Variants in TNFAIP8 observed in about 807,000 individuals in gnomAD.
The protein encoded by TNFAIP8 is tumor necrosis factor alpha-induced protein 8.
In TNFAIP8, 7 loss-of-function variants were observed where a neutral mutation model predicts 13.3. That is an observed-to-expected ratio of 0.52 (90% CI 0.30 to 0.99). TNFAIP8 has a LOEUF of 0.99. TNFAIP8 is among the 50% of genes least tolerant of loss of function. The probability of loss-of-function intolerance (pLI) is 0.07; values close to 1 mark genes in which losing one functional copy is unlikely to be tolerated. For synonymous variants in TNFAIP8, 94 were observed against 87.6 expected, an observed-to-expected ratio of 1.07 and a Z score of -0.41; for missense variants, 258 against 236.9, an observed-to-expected ratio of 1.09 and a Z score of -0.58.
At chr5:119,334,384 G>A (rs1750481597) in intron 1 of TNFAIP8, among the ~76,000 whole-genome samples, 1 of 151,988 alleles carries the variant, frequency 6.6e-6, no homozygotes, top group Admixed American at 6.6e-5. Flanking sequence ...ACTTAAAATT[G>A]TTCTGCTCAA....
intron 1 of TNFAIP8, among the ~76,000 whole-genome samples, chr5:119,330,963 G>T (rs1750357845): frequency 6.6e-6 from 1 of 152,036 alleles, no homozygotes. Context: ...CAAGAAAAAG[G>T]CCAAGAGCCA....
At chr5:119,276,103 G>A (rs926240990) in intron 1 of TNFAIP8, among the ~76,000 whole-genome samples, 4 of 151,316 alleles carry the variant, frequency 2.6e-5, no homozygotes, top group Non-Finnish European at 4.4e-5. Flanking sequence ...TCAGTCTTTC[G>A]TTAAGTTCTG....
intron 1 of TNFAIP8, among the ~76,000 whole-genome samples, chr5:119,311,785 G>A (rs1749741015): frequency 6.6e-6 from 1 of 152,004 alleles, no homozygotes; most frequent in Non-Finnish European, 1.5e-5. Flanking sequence ...ATTAGGAAGT[G>A]CTGATGAAGG....
intron 1 of TNFAIP8, among the ~76,000 whole-genome samples, chr5:119,358,053 C>T (rs1010640075): frequency 6.6e-6 from 1 of 151,330 alleles, no homozygotes; most frequent in Admixed American, 6.6e-5. Flanking sequence ...GTAAATAACT[C>T]AGTTATCTTC....
At chr5:119,317,880 A>C (rs1404402401) in intron 1 of TNFAIP8, among the ~76,000 whole-genome samples, 2 of 152,132 alleles carry the variant, frequency 1.3e-5, no homozygotes, top group Non-Finnish European at 2.9e-5. Context: ...TACAGGCGTG[A>C]GCTCCTGCAC....
At chr5:119,390,656 C>G (rs1458790324) in intron 1 of TNFAIP8, among the ~76,000 whole-genome samples, 1 of 152,112 alleles carries the variant, frequency 6.6e-6, no homozygotes, top group Non-Finnish European at 1.5e-5. Flanking sequence ...GGGACCCTTT[C>G]TTATTCAATC....
chr5:119,366,903 C>T lies in TNFAIP8; in HGVS notation c.31+10782C>T, dbSNP rs148381899. ...TGTCCTTGCCACCTACCTATTCCAG[C>T]ATACTTTGGGGTTGCCTCTCTGTGC... On this transcript the variant is annotated intron_variant, in intron 1 of 1. Transcript: ENST00000504771. Among the ~76,000 whole-genome samples, 292 of 152,294 alleles carry T rather than the reference C, an allele frequency of 1.9e-3. 2 individuals are homozygous for T. In the East Asian group the frequency reaches 0.038, roughly 20 times the overall value.
At chr5:119,294,442 A>G (rs1367871125) in intron 1 of TNFAIP8, among the ~76,000 whole-genome samples, 1 of 152,102 alleles carries the variant, frequency 6.6e-6, no homozygotes, top group Non-Finnish European at 1.5e-5. Context: ...AATCCAGTCT[A>G]TCATTGTTGG....
intron 1 of TNFAIP8, among the ~76,000 whole-genome samples, chr5:119,323,802 G>T (rs1177541474): frequency 6.6e-6 from 1 of 152,116 alleles, no homozygotes; most frequent in Non-Finnish European, 1.5e-5. Context: ...TGGCTGAATG[G>T]GCTTCTGCAG....
intron 1 of TNFAIP8, among the ~76,000 whole-genome samples, chr5:119,343,969 A>G (rs538919369): frequency 6.6e-6 from 1 of 152,344 alleles, no homozygotes; most frequent in Non-Finnish European, 1.5e-5. Context: ...CAAACCACTC[A>G]TATCTATGTG....
chr5:119,350,441 A>G (rs1327766376), intron 1 of TNFAIP8, among the ~76,000 whole-genome samples: 1 of 152,214 alleles, frequency 6.6e-6, no homozygotes, highest in African/African-American at 2.4e-5. Context: ...CTTGGAACCA[A>G]TCTCCCACAG....
chr5:119,324,293 AAAAAAAAAAAAAAAAAAAAAAG>A (rs1166497307), intron 1 of TNFAIP8, among the ~76,000 whole-genome samples: 26 of 59,734 alleles, frequency 4.4e-4, no homozygotes, highest in African/African-American at 1.8e-3. Flanking sequence ...AAAAAAAAAA[AAAAAAAAAAAAAAAAAAAAAAG>A]AAGAAGTTCC....
rs59714206 is a variant in TNFAIP8, at chr5:119,334,624, C to CGTGTGTGTGTGTGT, written c.2-58169_2-58156dup. On this transcript the variant is annotated intron_variant, in intron 1 of 1. Coordinates refer to the TNFAIP8 transcript ENST00000274456. ...CCTAGAGCTGTGCATGTGATCCTTTCGTGTGTGTGTGTGTGTGTGTGTGTG... is the reference window on the plus strand; with the variant it reads ...CCTAGAGCTGTGCATGTGATCCTTTCGTGTGTGTGTGTGTGTGTGTGTGTGTGTGTGTGTGTGTG... Among the ~76,000 whole-genome samples the CGTGTGTGTGTGTGT allele has an allele frequency of 1.3e-3, 176 of 135,798 alleles. 2 individuals are homozygous for CGTGTGTGTGTGTGT. Among genetic ancestry groups the CGTGTGTGTGTGTGT allele is most frequent in the African/African-American group, 4.4e-3 (154 of 35,354 alleles). The allele number at this position is 135,798 out of a possible 152,430, so 89.1% of individuals were successfully genotyped here.
At chr5:119,380,602 A>G (rs1752449665) in intron 1 of TNFAIP8, among the ~76,000 whole-genome samples, 1 of 152,236 alleles carries the variant, frequency 6.6e-6, no homozygotes, top group African/African-American at 2.4e-5. Context: ...AGTCTTTAGA[A>G]AGACTAATGT....
chr5:119,336,986 G>A (rs867549947), intron 1 of TNFAIP8, among the ~76,000 whole-genome samples: 20 of 152,120 alleles, frequency 1.3e-4, no homozygotes, highest in African/African-American at 4.6e-4. Context: ...ATTGTCCTCT[G>A]GACACAGGCC....
At chr5:119,359,245 T>C (rs1373433368) in intron 1 of TNFAIP8, among the ~76,000 whole-genome samples, 3 of 152,196 alleles carry the variant, frequency 2.0e-5, no homozygotes, top group Non-Finnish European at 2.9e-5. Flanking sequence ...TTCTAGGACA[T>C]TGGCACTTGC....
intron 1 of TNFAIP8, among the ~76,000 whole-genome samples, chr5:119,375,925 C>A (rs1001255535): frequency 2.0e-5 from 3 of 152,038 alleles, no homozygotes; most frequent in African/African-American, 7.2e-5. Flanking sequence ...CTTGAACCAA[C>A]ATTTGTACTA....
At chr5:119,311,319 C>T (rs58131651) in intron 1 of TNFAIP8, among the ~76,000 whole-genome samples, 12,975 of 151,998 alleles carry the variant, frequency 0.085, 773 homozygotes, top group African/African-American at 0.17. Context: ...TTACTGTGCC[C>T]GGCCTTGGTG....
intron 1 of TNFAIP8, among the ~76,000 whole-genome samples, chr5:119,273,507 C>T (rs533315046): frequency 5.2e-4 from 79 of 152,144 alleles, no homozygotes; most frequent in African/African-American, 1.8e-3. Flanking sequence ...CCGCTGCTGC[C>T]AAAGATAAGT....
Sources: allele counts gnomAD v4.1 joint callset (sites outside exome capture counted in the v4.1 genomes callset), GRCh38; gene constraint gnomAD v4.1.1; transcripts MANE v1.5; gene names NCBI Gene and HGNC (gene_info 2026-07-23, HGNC 2026-07-21).